Variants in TOX2 observed in about 807,000 individuals in gnomAD.
TOX2 encodes granulosa cell HMG box 1.
In TOX2, 15 loss-of-function variants were observed where a neutral mutation model predicts 47.4. The ratio of observed to expected loss-of-function variants is 0.32; its 90% confidence interval spans 0.21 to 0.49. The LOEUF is 0.49. Ranked by LOEUF, TOX2 falls within the 20% of genes least tolerant of loss-of-function variation. The probability of loss-of-function intolerance (pLI) is 0.99; values close to 1 mark genes in which losing one functional copy is unlikely to be tolerated. For synonymous variants in TOX2, 290 were observed against 296.6 expected (o/e 0.98, Z 0.23); for missense variants, 622 against 673.1 (o/e 0.92, Z 0.84).
intron 5 of TOX2, among the ~76,000 whole-genome samples, chr20:44,063,775 T>G (rs1280794302): frequency 1.1e-5 from 1 of 91,770 alleles, no homozygotes; most frequent in African/African-American, 4.0e-5. Flanking sequence ...CACACACATA[T>G]ACATATATAT....
intron 2 of TOX2, among the ~76,000 whole-genome samples, chr20:43,984,179 A>G (rs2070222139): frequency 6.6e-6 from 1 of 152,212 alleles, no homozygotes; most frequent in Non-Finnish European, 1.5e-5. Flanking sequence ...AGCATTTCCT[A>G]TTAAAGCCAC....
At chr20:44,020,771 C>T (rs2070963243) in intron 3 of TOX2, among the ~76,000 whole-genome samples, 1 of 152,246 alleles carries the variant, frequency 6.6e-6, no homozygotes, top group Admixed American at 6.5e-5. Context: ...GAACACTAGG[C>T]TGTGGTCATC....
chr20:43,970,935 T>C (rs1394744479), intron 1 of TOX2, among the ~76,000 whole-genome samples: 2 of 152,350 alleles, frequency 1.3e-5, no homozygotes, highest in African/African-American at 4.8e-5. Context: ...GCATGAGCTC[T>C]GTGTGCAGTG....
At chr20:43,949,756 A>G (rs2069527975) in intron 1 of TOX2, among the ~76,000 whole-genome samples, 1 of 152,118 alleles carries the variant, frequency 6.6e-6, no homozygotes, top group Non-Finnish European at 1.5e-5. Flanking sequence ...CCCACCGTCT[A>G]GCCGCAACTA....
intron 5 of TOX2, among the ~76,000 whole-genome samples, chr20:44,057,342 A>T (rs533339706): frequency 6.6e-6 from 1 of 152,310 alleles, no homozygotes; most frequent in East Asian, 1.9e-4. Flanking sequence ...TGGTCTTCTT[A>T]CTTTGCATTA....
chr20:43,961,118 C>T (rs1309304233), intron 1 of TOX2, among the ~76,000 whole-genome samples: 2 of 152,232 alleles, frequency 1.3e-5, no homozygotes, highest in African/African-American at 4.8e-5. Flanking sequence ...TTACGGGGTG[C>T]CCCCATGGCA....
chr20:44,009,356 G>A (rs546869930), intron 3 of TOX2, among the ~76,000 whole-genome samples: 11 of 152,126 alleles, frequency 7.2e-5, no homozygotes, highest in African/African-American at 2.7e-4. Context: ...AAGGAGGGTG[G>A]GAGGAAACCA....
At chr20:44,012,146 T>G (rs764666976) in intron 3 of TOX2, among the ~76,000 whole-genome samples, 2 of 152,278 alleles carry the variant, frequency 1.3e-5, no homozygotes, top group Non-Finnish European at 2.9e-5. Context: ...TCGAGAGAGA[T>G]ATTGTATGTA....
At chr20:44,011,447 C>T (rs1032131548) in intron 3 of TOX2, among the ~76,000 whole-genome samples, 15 of 151,238 alleles carry the variant, frequency 9.9e-5, no homozygotes, top group East Asian at 5.8e-4. Context: ...GCTCTGTGCC[C>T]GGAAGAGGCC....
rs535633350 is a variant in TOX2 at position 43,930,027 on chromosome 20, C to T, written c.99+15037C>T. On this transcript the variant is annotated intron_variant, in intron 1 of 8. Transcript: ENST00000341197. ...CCAGCTGCTTCTGAGTATTTTTCTTCGTGGCATCATATATCTGTGAAATTA... is the reference window on the plus strand; with the variant it reads ...CCAGCTGCTTCTGAGTATTTTTCTTTGTGGCATCATATATCTGTGAAATTA... 6.3e-4 allele frequency among the ~76,000 whole-genome samples: 96 copies of T among 152,242 alleles called. 2 individuals carry two copies. The South Asian group carries it at 0.019, about 31-fold the overall frequency.
At chr20:43,947,223 A>G (rs1040673430) in intron 1 of TOX2, among the ~76,000 whole-genome samples, 1 of 152,234 alleles carries the variant, frequency 6.6e-6, no homozygotes, top group Non-Finnish European at 1.5e-5. Context: ...AATCTGTGAC[A>G]TAGGGCAAGT....
At chr20:43,949,935 C>T (rs1276345789) in intron 1 of TOX2, among the ~76,000 whole-genome samples, 2 of 152,104 alleles carry the variant, frequency 1.3e-5, no homozygotes, top group African/African-American at 2.4e-5. Context: ...CAAAAGACCT[C>T]CCTGCAAATT....
intron 2 of TOX2, among the ~76,000 whole-genome samples, chr20:44,005,542 G>C (rs2070663483): frequency 6.6e-6 from 1 of 152,106 alleles, no homozygotes; most frequent in African/African-American, 2.4e-5. Flanking sequence ...CAAAACATCA[G>C]CCAACAAAAC....
At chr20:43,956,475 C>G (rs928015050) in intron 1 of TOX2, among the ~76,000 whole-genome samples, 7 of 150,492 alleles carry the variant, frequency 4.7e-5, no homozygotes, top group African/African-American at 1.5e-4. Flanking sequence ...GCAGGAGAAT[C>G]GCTTGAACCC....
chr20:44,020,078 C>T (rs916049657), intron 3 of TOX2, among the ~76,000 whole-genome samples: 2 of 152,220 alleles, frequency 1.3e-5, no homozygotes, highest in Non-Finnish European at 2.9e-5. Context: ...TGTTTAACCT[C>T]TCTGTGCCAC....
At chr20:43,955,598 G>C (rs892454175) in intron 1 of TOX2, among the ~76,000 whole-genome samples, 1 of 152,162 alleles carries the variant, frequency 6.6e-6, no homozygotes, top group Non-Finnish European at 1.5e-5. Flanking sequence ...AATTGCATGA[G>C]TCACCCCCTT....
At chr20:43,970,421 G>A (rs892025806) in intron 1 of TOX2, among the ~76,000 whole-genome samples, 7 of 152,208 alleles carry the variant, frequency 4.6e-5, no homozygotes, top group Admixed American at 2.0e-4. Context: ...CCCCTGCCTT[G>A]CAGTGGCTCT....
At chr20:43,942,622 G>T (rs8120445) in intron 1 of TOX2, among the ~76,000 whole-genome samples, 5 of 152,154 alleles carry the variant, frequency 3.3e-5, no homozygotes, top group African/African-American at 1.2e-4. Flanking sequence ...GGAATTCAAG[G>T]CTGCAGTAAG....
chr20:43,946,393 A>G lies in TOX2; in HGVS notation c.100-26974A>G, dbSNP rs533478970. The stretch of plus-strand genomic sequence containing the variant: ...GCTGATTCAGACTGGAAACAATGGG[A>G]GCAGTAATGGGGATGGCCCATGGCT... On this transcript the variant is annotated intron_variant, in intron 1 of 8. Coordinates refer to ENST00000341197, the MANE Select transcript of TOX2 (RefSeq NM_001098797.2). Among the ~76,000 whole-genome samples the G allele has an allele frequency of 1.1e-4, 16 of 152,028 alleles. No individual in the cohort carries two copies. In the East Asian group the frequency reaches 2.9e-3, roughly 28 times the overall value.
Sources: allele counts gnomAD v4.1 joint callset (sites outside exome capture counted in the v4.1 genomes callset), GRCh38; gene constraint gnomAD v4.1.1; transcripts MANE v1.5; gene names NCBI Gene and HGNC (gene_info 2026-07-23, HGNC 2026-07-21).